ELF2: variants seen among roughly 807,000 people sequenced by gnomAD.
ELF2 encodes the protein ETS-related transcription factor Elf-2.
ELF2 carries 11 observed loss-of-function variants against 54.8 expected under a neutral mutation model. That is an observed-to-expected ratio of 0.20 (90% CI 0.13 to 0.33). ELF2 has a LOEUF of 0.33. Ranked by LOEUF, ELF2 falls within the 10% of genes least tolerant of loss-of-function variation. ELF2 has a pLI of 1.00. For missense variants in ELF2, 513 were observed against 703.0 expected (o/e 0.73, Z 3.06); for synonymous variants, 203 against 245.1 (o/e 0.83, Z 1.61).
chr4:139,135,228 A>G, intron 3 of ELF2, among the ~76,000 whole-genome samples: 1 of 127,932 alleles, frequency 7.8e-6, no homozygotes, highest in African/African-American at 3.1e-5. Flanking sequence ...TACATATACT[A>G]CTATATATAT....
chr4:139,116,151 TTTATC>T (rs1297994328), intron 4 of ELF2, among the ~76,000 whole-genome samples: 4 of 152,212 alleles, frequency 2.6e-5, no homozygotes, highest in African/African-American at 9.6e-5. Flanking sequence ...ATTAAAATCT[TTTATC>T]TAATAATACT....
intron 4 of ELF2, chr4:139,117,864 G>C (rs534907192): frequency 6.5e-6 from 1 of 154,690 alleles, no homozygotes; most frequent in Non-Finnish European, 1.4e-5. Flanking sequence ...TGAGGCAGGA[G>C]AATCACTTGA....
At chr4:139,157,412 T>G (rs938994634) in intron 1 of ELF2, among the ~76,000 whole-genome samples, 2 of 152,144 alleles carry the variant, frequency 1.3e-5, no homozygotes, top group African/African-American at 2.4e-5. Context: ...TATAATTTTT[T>G]TTTTTTATAC....
chr4:139,175,239 A>G (rs1742785653), intron 1 of ELF2, among the ~76,000 whole-genome samples: 1 of 152,232 alleles, frequency 6.6e-6, no homozygotes, highest in Admixed American at 6.5e-5. Context: ...TAGGACAGAA[A>G]AATCCCAAAG....
upstream of ELF2, among the ~76,000 whole-genome samples, chr4:139,177,369 G>T (rs1421568545): frequency 2.0e-5 from 3 of 150,532 alleles, no homozygotes; most frequent in African/African-American, 4.9e-5. Context: ...CCCACGCGGC[G>T]GGGGGGCGGG....
At chr4:139,087,745 G>C (rs750857925) in intron 4 of ELF2, among the ~76,000 whole-genome samples, 1 of 152,172 alleles carries the variant, frequency 6.6e-6, no homozygotes, top group African/African-American at 2.4e-5. Flanking sequence ...AATTACAGGC[G>C]TGAGTCACCA....
At chr4:139,091,036 C>A (rs894464409) in intron 4 of ELF2, among the ~76,000 whole-genome samples, 8 of 152,126 alleles carry the variant, frequency 5.3e-5, no homozygotes, top group Admixed American at 3.3e-4. Flanking sequence ...CGGGTTCACG[C>A]CATTCTCCTG....
At chr4:139,077,595 TAAGTC>T (rs1175893798) in intron 4 of ELF2, among the ~76,000 whole-genome samples, 5 of 152,320 alleles carry the variant, frequency 3.3e-5, no homozygotes, top group Admixed American at 1.3e-4. Flanking sequence ...TTTGTTTACA[TAAGTC>T]AAGTAACTTT....
intron 1 of ELF2, among the ~76,000 whole-genome samples, chr4:139,164,749 A>T (rs539373335): frequency 4.6e-5 from 7 of 152,262 alleles, no homozygotes; most frequent in Middle Eastern, 3.4e-3. Flanking sequence ...TTATTTCAGA[A>T]ATCTGTTTCT....
intron 1 of ELF2, among the ~76,000 whole-genome samples, chr4:139,176,015 G>A (rs1026614703): frequency 6.6e-6 from 1 of 152,206 alleles, no homozygotes; most frequent in Non-Finnish European, 1.5e-5. Flanking sequence ...TGGAGCAGAA[G>A]AGAGGGCTCG....
intron 4 of ELF2, among the ~76,000 whole-genome samples, chr4:139,082,721 G>C (rs184013049): frequency 3.9e-5 from 6 of 152,264 alleles, no homozygotes; most frequent in African/African-American, 1.4e-4. Flanking sequence ...ATCTTTTACA[G>C]AATTACTGTT....
At chr4:139,071,155 G>C (rs773793252) in intron 6 of ELF2, among the ~76,000 whole-genome samples, 1 of 152,058 alleles carries the variant, frequency 6.6e-6, no homozygotes, top group Non-Finnish European at 1.5e-5. Flanking sequence ...CCACTGGTGA[G>C]TTTAGGTCAA....
chr4:139,162,650 T>C (rs371458921), intron 1 of ELF2, among the ~76,000 whole-genome samples: 1 of 152,232 alleles, frequency 6.6e-6, no homozygotes, highest in East Asian at 1.9e-4. Context: ...ACTCATTAAA[T>C]GTCCAGATCG....
chr4:139,138,615 T>G (rs570218411), intron 2 of ELF2, among the ~76,000 whole-genome samples: 2 of 152,230 alleles, frequency 1.3e-5, no homozygotes, highest in Non-Finnish European at 2.9e-5. Context: ...TCTTCTTCTT[T>G]GCCTCATCTG....
intron 1 of ELF2, among the ~76,000 whole-genome samples, chr4:139,145,522 G>A (rs1739141323): frequency 6.6e-6 from 1 of 152,170 alleles, no homozygotes; most frequent in Admixed American, 6.5e-5. Flanking sequence ...GAAGCAACCT[G>A]TTCTTCTTCA....
intron 7 of ELF2, among the ~76,000 whole-genome samples, chr4:139,062,479 CT>C (rs1213217716): frequency 6.6e-6 from 1 of 151,986 alleles, no homozygotes; most frequent in Non-Finnish European, 1.5e-5. Context: ...CCTGTTTCTA[CT>C]TTTAAAAAAA....
intron 3 of ELF2, among the ~76,000 whole-genome samples, chr4:139,128,615 A>G (rs1737183912): frequency 6.7e-6 from 1 of 149,420 alleles, no homozygotes; most frequent in East Asian, 2.0e-4. Context: ...TCTGCCTCCC[A>G]GGCTCAAACC....
intron 4 of ELF2, among the ~76,000 whole-genome samples, chr4:139,088,572 C>T (rs1732243900): frequency 6.6e-6 from 1 of 151,616 alleles, no homozygotes; most frequent in African/African-American, 2.4e-5. Flanking sequence ...AGTAAACTGT[C>T]TGACTTTTGT....
chr4:139,153,340 T>A (rs1560874242), intron 1 of ELF2, among the ~76,000 whole-genome samples: 2 of 151,774 alleles, frequency 1.3e-5, no homozygotes. Context: ...GAGGCTGAGG[T>A]GGGAGGATCG....
Sources: gnomAD v4.1 joint callset for allele counts (sites outside exome capture counted in the v4.1 genomes callset) on GRCh38, gnomAD v4.1.1 for gene constraint, MANE v1.5 for transcripts, NCBI Gene and HGNC (gene_info 2026-07-23, HGNC 2026-07-21) for gene names.